The following CPQ variants were observed in gnomAD, a reference collection of about 807,000 sequenced individuals.
CPQ encodes the protein carboxypeptidase Q.
In CPQ, 37 loss-of-function variants were observed where a neutral mutation model predicts 45.7. The observed-to-expected ratio is 0.81, with a 90% CI of 0.62 to 1.07. The LOEUF is 1.07. CPQ is among the 50% of genes least tolerant of loss of function. The pLI, the probability that CPQ is intolerant of heterozygous loss-of-function variation, is 0.00. For synonymous variants in CPQ, 186 were observed against 205.8 expected, an observed-to-expected ratio of 0.90 and a Z score of 0.82; for missense variants, 537 against 572.9, an observed-to-expected ratio of 0.94 and a Z score of 0.64.
intron 1 of CPQ, among the ~76,000 whole-genome samples, chr8:96,734,120 A>G (rs1809947530): frequency 6.6e-6 from 1 of 152,162 alleles, no homozygotes; most frequent in Non-Finnish European, 1.5e-5. Context: ...AACACTACTT[A>G]GTTGTCCATG....
At chr8:97,081,761 T>G (rs1810953933) in intron 7 of CPQ, among the ~76,000 whole-genome samples, 1 of 152,186 alleles carries the variant, frequency 6.6e-6, no homozygotes, top group Non-Finnish European at 1.5e-5. Context: ...TGAGAACCAC[T>G]GACATATAAC....
chr8:96,907,531 T>C (rs998311737), intron 4 of CPQ, among the ~76,000 whole-genome samples: 2 of 152,128 alleles, frequency 1.3e-5, no homozygotes, highest in Non-Finnish European at 2.9e-5. Context: ...GAGAATGGGG[T>C]TGGTGACTAA....
chr8:96,746,355 T>TGGTATTTAGTAAATAGCC (rs1295224855), intron 1 of CPQ, among the ~76,000 whole-genome samples: 1 of 152,200 alleles, frequency 6.6e-6, no homozygotes, highest in East Asian at 1.9e-4. Flanking sequence ...ATTTTACAGA[T>TGGTATTTAGTAAATAGCC]GGTATTTAGT....
At chr8:96,792,288 C>G (rs915987831) in intron 2 of CPQ, among the ~76,000 whole-genome samples, 3 of 152,068 alleles carry the variant, frequency 2.0e-5, no homozygotes, top group Admixed American at 1.3e-4. Flanking sequence ...TTTGAATGGA[C>G]CAAGTAAAAG....
chr8:96,745,307 CA>C lies in CPQ; in HGVS notation c.-34-39546del, dbSNP rs112851967. ...TGGGCGACAGAGCAAGACTCCATCTCAAAAAAAAAAATGTATACGGGAACTG... is the reference window on the plus strand; with the variant it reads ...TGGGCGACAGAGCAAGACTCCATCTCAAAAAAAAAATGTATACGGGAACTG... On this transcript the variant is annotated intron_variant, in intron 1 of 7. Transcript: ENST00000220763. Among the ~76,000 whole-genome samples the C allele has an allele frequency of 3.6e-3, 528 of 145,156 alleles. 5 individuals carry two copies. The highest frequency in any genetic ancestry group is 0.012 in the African/African-American group (471 of 39,804).
At chr8:96,678,457 G>C (rs2130726611) in intron 1 of CPQ, among the ~76,000 whole-genome samples, 1 of 152,020 alleles carries the variant, frequency 6.6e-6, no homozygotes, top group East Asian at 1.9e-4. Context: ...GGAGTGTATA[G>C]TAGTTATATT....
chr8:96,668,472 C>T (rs74622711), intron 1 of CPQ, among the ~76,000 whole-genome samples: 6 of 152,100 alleles, frequency 3.9e-5, no homozygotes, highest in South Asian at 4.2e-4. Context: ...TATTCTGACT[C>T]GGGTAGCTCA....
intron 2 of CPQ, among the ~76,000 whole-genome samples, chr8:96,823,806 A>G (rs1344253112): frequency 6.6e-6 from 1 of 152,052 alleles, no homozygotes; most frequent in Non-Finnish European, 1.5e-5. Context: ...TGCCTGGCAT[A>G]TTGTAAGACC....
chr8:96,865,299 G>A (rs191843071), intron 3 of CPQ, among the ~76,000 whole-genome samples: 123 of 152,124 alleles, frequency 8.1e-4, no homozygotes, highest in South Asian at 4.1e-3. Flanking sequence ...TTTACTCAGT[G>A]AGAACCTGTG....
chr8:96,883,578 G>C (rs1393949055), intron 4 of CPQ, among the ~76,000 whole-genome samples: 4 of 152,170 alleles, frequency 2.6e-5, no homozygotes, highest in East Asian at 1.9e-4. Flanking sequence ...CAAGTCTGTG[G>C]TTGCGTTTTG....
intron 1 of CPQ, among the ~76,000 whole-genome samples, chr8:96,692,494 CTGTT>C (rs1247768022): frequency 2.0e-5 from 3 of 152,158 alleles, no homozygotes; most frequent in Non-Finnish European, 4.4e-5. Context: ...TAGACAGACT[CTGTT>C]TGTTTGAGAG....
In CPQ at chr8:97,121,289, G is replaced by T. The variant is rs939509827; in HGVS notation, c.1256-21731G>T. 1.1e-4 allele frequency among the ~76,000 whole-genome samples: 17 copies of T among 152,324 alleles called. No individual in the cohort carries two copies. The South Asian group carries it at 3.3e-3, about 30-fold the overall frequency. On this transcript the variant is annotated intron_variant, in intron 7 of 7. Transcript: ENST00000220763. ...TTTGCCATAAAATGAAAGAAAAAAG[G>T]AAAACTGGACAAAATATATCAAACA...
intron 1 of CPQ, among the ~76,000 whole-genome samples, chr8:96,645,892 C>T (rs1815513531): frequency 6.6e-6 from 1 of 151,190 alleles, no homozygotes; most frequent in Non-Finnish European, 1.5e-5. Flanking sequence ...CTACTGGACT[C>T]TCCTAGAATC....
At chr8:96,990,766 G>T (rs1809079629) in intron 5 of CPQ, among the ~76,000 whole-genome samples, 1 of 152,160 alleles carries the variant, frequency 6.6e-6, no homozygotes, top group Admixed American at 6.5e-5. Context: ...GAAACCACAG[G>T]ATGGGCATTC....
In CPQ at chr8:96,779,970, T is replaced by A. The variant is rs143845291; in HGVS notation, c.-34-4894T>A. On this transcript the variant is annotated intron_variant, in intron 1 of 7. Coordinates refer to ENST00000220763, the MANE Select transcript of CPQ (RefSeq NM_016134.4). The stretch of plus-strand genomic sequence containing the variant: ...AGTTTTCATAATTTTTCAAAATAGT[T>A]TAAATATGATAGCAACTTTTTACTC... 4.3e-3 allele frequency among the ~76,000 whole-genome samples: 662 copies of A among 152,296 alleles called. 5 individuals are homozygous for A. The highest frequency in any genetic ancestry group is 0.015 in the African/African-American group (610 of 41,568).
intron 7 of CPQ, among the ~76,000 whole-genome samples, chr8:97,123,197 A>AAT (rs1280107543): frequency 7.6e-6 from 1 of 130,850 alleles, no homozygotes; most frequent in Non-Finnish European, 1.6e-5. Flanking sequence ...AATAAAATAA[A>AAT]ATAAAATAAA....
Position 96,848,010 on chromosome 8 carries a change from A to G in CPQ, c.641+12830A>G, listed in dbSNP as rs1032565603. Reference sequence around the variant, plus strand: ...TCATATCTGTGTAATACAGAGAACTATAAATTATCCACCCACTCCAACCTC... The same window carrying G: ...TCATATCTGTGTAATACAGAGAACTGTAAATTATCCACCCACTCCAACCTC... On this transcript the variant is annotated intron_variant, in intron 3 of 7. Transcript: ENST00000220763. Among the ~76,000 whole-genome samples the G allele has an allele frequency of 1.2e-4, 18 of 151,184 alleles. No individual in the cohort carries two copies. In the South Asian group the frequency reaches 3.3e-3, roughly 28 times the overall value.
intron 1 of CPQ, among the ~76,000 whole-genome samples, chr8:96,687,099 T>G (rs1809239587): frequency 6.6e-6 from 1 of 152,160 alleles, no homozygotes; most frequent in African/African-American, 2.4e-5. Flanking sequence ...TTATTTCTCC[T>G]CCTCCACCCA....
intron 1 of CPQ, among the ~76,000 whole-genome samples, chr8:96,765,140 C>CA (rs1358535259): frequency 2.0e-5 from 3 of 152,158 alleles, no homozygotes; most frequent in African/African-American, 7.2e-5. Context: ...TGCTAATTGA[C>CA]AGAGTGTTTG....
Sources: allele counts gnomAD v4.1 joint callset (sites outside exome capture counted in the v4.1 genomes callset), GRCh38; gene constraint gnomAD v4.1.1; transcripts MANE v1.5; gene names NCBI Gene and HGNC (gene_info 2026-07-23, HGNC 2026-07-21).